Variants in HIVEP3 observed in about 807,000 individuals in gnomAD.
HIVEP3 encodes the protein HIVEP zinc finger 3, also known as transcription factor HIVEP3.
In HIVEP3, 49 loss-of-function variants were observed where a neutral mutation model predicts 152.8. The ratio of observed to expected loss-of-function variants is 0.32; its 90% confidence interval spans 0.26 to 0.41. The LOEUF (loss-of-function observed/expected upper bound fraction) is 0.41, where lower values mean the gene tolerates loss of function less well. Ranked by LOEUF, HIVEP3 falls within the 10% of genes least tolerant of loss-of-function variation. The probability of loss-of-function intolerance (pLI) is 1.00; values close to 1 mark genes in which losing one functional copy is unlikely to be tolerated. For missense variants in HIVEP3, 2,790 were observed against 3,103.3 expected (o/e 0.90, Z 2.40); for synonymous variants, 1,269 against 1,289.0 (o/e 0.98, Z 0.33).
At chr1:41,646,973 T>C (rs1454794497) in intron 2 of HIVEP3, among the ~76,000 whole-genome samples, 3 of 152,212 alleles carry the variant, frequency 2.0e-5, no homozygotes, top group Admixed American at 2.0e-4. Flanking sequence ...CTTTGGCTCA[T>C]GGCCTCCTCA....
chr1:41,684,878 C>T (rs1646091791), intron 2 of HIVEP3, among the ~76,000 whole-genome samples: 1 of 152,240 alleles, frequency 6.6e-6, no homozygotes, highest in African/African-American at 2.4e-5. Context: ...TGAGGGCACA[C>T]AGCTCATGGC....
intron 1 of HIVEP3, among the ~76,000 whole-genome samples, chr1:42,035,156 G>A (rs894962737): frequency 6.6e-6 from 1 of 152,232 alleles, no homozygotes; most frequent in Non-Finnish European, 1.5e-5. Flanking sequence ...TGGTCTAAAT[G>A]TCAATGCTAA....
At chr1:41,562,631 C>CTTTCTT (rs1558063149) in intron 5 of HIVEP3, among the ~76,000 whole-genome samples, 34 of 85,426 alleles carry the variant, frequency 4.0e-4, no homozygotes, top group Non-Finnish European at 6.2e-4. Context: ...CTCTCTCTCT[C>CTTTCTT]TCCCTCTCTC....
In HIVEP3 at chr1:41,784,788, A is replaced by G. The variant is rs567497304; in HGVS notation, c.-800-83793T>C. 1.7e-4 allele frequency among the ~76,000 whole-genome samples: 26 copies of G among 152,366 alleles called. 1 individual carries two copies. The highest frequency in any genetic ancestry group is 7.8e-4 in the Admixed American group (12 of 15,302). On this transcript the variant is annotated intron_variant, in intron 1 of 8. Transcript: ENST00000372583. ...TACAACCACATCTCCGTTTACATAG[A>G]AAAATGCTCTTTTGTAATTATTAGC...
intron 1 of HIVEP3, among the ~76,000 whole-genome samples, chr1:41,835,222 G>GA (rs1448132354): frequency 6.6e-6 from 1 of 152,174 alleles, no homozygotes; most frequent in Non-Finnish European, 1.5e-5. Flanking sequence ...AAATACCACA[G>GA]ACTAGGTGGC....
chr1:41,940,936 T>C (rs957789468), intron 1 of HIVEP3, among the ~76,000 whole-genome samples: 1 of 151,694 alleles, frequency 6.6e-6, no homozygotes, highest in African/African-American at 2.4e-5. Context: ...ACATCAACAC[T>C]AAAAGGTCAG....
intron 1 of HIVEP3, among the ~76,000 whole-genome samples, chr1:41,790,756 C>A (rs139256923): frequency 0.013 from 1,983 of 152,270 alleles, 22 homozygotes; most frequent in Non-Finnish European, 0.023. Context: ...CTTACCACTG[C>A]AAATCTGCAG....
intron 5 of HIVEP3, among the ~76,000 whole-genome samples, chr1:41,567,866 G>A (rs982826664): frequency 6.6e-6 from 1 of 152,238 alleles, no homozygotes; most frequent in African/African-American, 2.4e-5. Flanking sequence ...GACCAAGCCT[G>A]CCTTCAGGCT....
intron 1 of HIVEP3, among the ~76,000 whole-genome samples, chr1:41,884,799 C>T (rs973012152): frequency 1.3e-5 from 2 of 150,568 alleles, no homozygotes; most frequent in African/African-American, 2.4e-5. Context: ...CCCCCACCCA[C>T]CCACCCACCT....
intron 2 of HIVEP3, among the ~76,000 whole-genome samples, chr1:41,682,521 A>G (rs1378042025): frequency 1.3e-5 from 2 of 152,138 alleles, no homozygotes; most frequent in African/African-American, 4.8e-5. Context: ...TGTCTTGGGG[A>G]GCTCTGCATT....
chr1:41,861,232 G>A (rs180785061), intron 1 of HIVEP3, among the ~76,000 whole-genome samples: 5 of 152,288 alleles, frequency 3.3e-5, no homozygotes, highest in African/African-American at 9.6e-5. Context: ...TAGCTTGCCC[G>A]ATAAGTCCAC....
chr1:41,740,510 T>C (rs545421122), intron 1 of HIVEP3, among the ~76,000 whole-genome samples: 1 of 152,328 alleles, frequency 6.6e-6, no homozygotes, highest in South Asian at 2.1e-4. Flanking sequence ...GGCAAGCCCA[T>C]GACAGCAGTT....
intron 1 of HIVEP3, among the ~76,000 whole-genome samples, chr1:41,729,822 G>GA (rs1440292961): frequency 6.6e-6 from 1 of 152,166 alleles, no homozygotes; most frequent in Admixed American, 6.5e-5. Flanking sequence ...CGAGGTGCTG[G>GA]AGCCGGGAAG....
chr1:41,927,673 T>C (rs2124478464), intron 1 of HIVEP3, among the ~76,000 whole-genome samples: 1 of 152,232 alleles, frequency 6.6e-6, no homozygotes, highest in South Asian at 2.1e-4. Context: ...GGACCACCAG[T>C]TTGCAACCCT....
rs77252079 is a variant in HIVEP3 at position 41,937,153 on chromosome 1, G to A, written n.120-18629C>T. 7.8e-4 allele frequency among the ~76,000 whole-genome samples: 118 copies of A among 152,212 alleles called. 3 individuals are homozygous for A. In the East Asian group the frequency reaches 0.02, roughly 26 times the overall value. On this transcript the variant is annotated intron_variant and non_coding_transcript_variant, in intron 1 of 3. Coordinates refer to the HIVEP3 transcript ENST00000489103. ...TTCTTTCCAGTCCTCTTTATGTGGG[G>A]AGAACTGATCCCCCAACATTATTAT... is the stretch of plus-strand genomic sequence containing the variant.
chr1:41,925,756 G>C (rs931616758), intron 1 of HIVEP3, among the ~76,000 whole-genome samples: 1 of 152,154 alleles, frequency 6.6e-6, no homozygotes, highest in Admixed American at 6.5e-5. Flanking sequence ...TTGCATGACT[G>C]TACATACTGT....
intron 1 of HIVEP3, among the ~76,000 whole-genome samples, chr1:41,981,899 G>T (rs1259445043): frequency 6.6e-6 from 1 of 152,166 alleles, no homozygotes; most frequent in African/African-American, 2.4e-5. Context: ...TGAAATGTGG[G>T]GGTCCAGGGG....
At chr1:41,709,074 C>T (rs998744184) in intron 1 of HIVEP3, among the ~76,000 whole-genome samples, 1 of 152,202 alleles carries the variant, frequency 6.6e-6, no homozygotes, top group African/African-American at 2.4e-5. Context: ...TCTGCACCCC[C>T]TACCACCACA....
At chr1:41,623,700 C>T (rs1645077312) in intron 3 of HIVEP3, among the ~76,000 whole-genome samples, 1 of 152,174 alleles carries the variant, frequency 6.6e-6, no homozygotes, top group Non-Finnish European at 1.5e-5. Context: ...ATGTGCAATC[C>T]CAGCCACCAC....
Sources: allele counts gnomAD v4.1 joint callset (sites outside exome capture counted in the v4.1 genomes callset), GRCh38; gene constraint gnomAD v4.1.1; transcripts MANE v1.5; gene names NCBI Gene and HGNC (gene_info 2026-07-23, HGNC 2026-07-21).